The following RAPGEF5 variants were observed in gnomAD, a reference collection of about 807,000 sequenced individuals.
RAPGEF5 encodes Rap guanine nucleotide exchange factor 5, also known as M-Ras-regulated GEF.
In RAPGEF5, 65 loss-of-function variants were observed where a neutral mutation model predicts 125.2. That is an observed-to-expected ratio of 0.52 (90% CI 0.43 to 0.64). The LOEUF (loss-of-function observed/expected upper bound fraction) is 0.64, where lower values mean the gene tolerates loss of function less well. Ranked by LOEUF, RAPGEF5 falls within the 30% of genes least tolerant of loss-of-function variation. RAPGEF5 has a pLI of 0.00. For synonymous variants in RAPGEF5, 391 were observed against 385.9 expected, an observed-to-expected ratio of 1.01 and a Z score of -0.16; for missense variants, 958 against 1,048.1, an observed-to-expected ratio of 0.91 and a Z score of 1.19.
At chr7:22,323,041 G>A (rs1326593598) in intron 1 of RAPGEF5, among the ~76,000 whole-genome samples, 2 of 152,228 alleles carry the variant, frequency 1.3e-5, no homozygotes, top group African/African-American at 2.4e-5. Flanking sequence ...GAACCTCCAA[G>A]TGGCTTGTGT....
At chr7:22,178,089 T>C (rs906665907) in intron 11 of RAPGEF5, among the ~76,000 whole-genome samples, 8 of 152,104 alleles carry the variant, frequency 5.3e-5, no homozygotes, top group Admixed American at 3.3e-4. Context: ...GATCAGCCAA[T>C]TTGCTTTTCA....
At chr7:22,223,211 G>A (rs1330996701) in intron 8 of RAPGEF5, among the ~76,000 whole-genome samples, 1 of 152,118 alleles carries the variant, frequency 6.6e-6, no homozygotes, top group Non-Finnish European at 1.5e-5. Flanking sequence ...AAAGGAATCT[G>A]AGGAGGAGTG....
chr7:22,202,688 C>T (rs1254760037), intron 9 of RAPGEF5, among the ~76,000 whole-genome samples: 2 of 152,170 alleles, frequency 1.3e-5, no homozygotes, highest in African/African-American at 4.8e-5. Flanking sequence ...TTCTGAATAG[C>T]ATAAAACTTA....
At chr7:22,148,943 T>C (rs1011966019) in intron 18 of RAPGEF5, among the ~76,000 whole-genome samples, 1 of 152,082 alleles carries the variant, frequency 6.6e-6, no homozygotes, top group African/African-American at 2.4e-5. Context: ...CAGCACCCAG[T>C]TGGTTATGTT....
chr7:22,298,825 A>C (rs1783127972), intron 5 of RAPGEF5: 1 of 152,214 alleles, frequency 6.6e-6, no homozygotes, highest in Non-Finnish European at 1.5e-5. Context: ...TTGTTGAAGG[A>C]CCATAGGTAG....
chr7:22,248,750 T>A (rs985392728), intron 7 of RAPGEF5, among the ~76,000 whole-genome samples: 1 of 152,188 alleles, frequency 6.6e-6, no homozygotes, highest in Admixed American at 6.5e-5. Flanking sequence ...TAGTTCTACC[T>A]CCGGAACTAG....
chr7:22,347,905 C>G (rs979692562), intron 1 of RAPGEF5, among the ~76,000 whole-genome samples: 2 of 152,140 alleles, frequency 1.3e-5, no homozygotes, highest in African/African-American at 2.4e-5. Flanking sequence ...CCAGGGCTTA[C>G]CGAAGCATTT....
intron 1 of RAPGEF5, among the ~76,000 whole-genome samples, chr7:22,355,682 G>T (rs1784407803): frequency 6.6e-6 from 1 of 152,108 alleles, no homozygotes; most frequent in African/African-American, 2.4e-5. Flanking sequence ...TTCCACCTGA[G>T]ATGGAAAATG....
intron 7 of RAPGEF5, among the ~76,000 whole-genome samples, chr7:22,231,694 A>G (rs902234138): frequency 1.3e-5 from 2 of 152,194 alleles, no homozygotes; most frequent in African/African-American, 2.4e-5. Flanking sequence ...TGTATTTTAC[A>G]TAACTGGGAT....
At chr7:22,338,849 G>T (rs1279999964) in intron 1 of RAPGEF5, among the ~76,000 whole-genome samples, 4 of 152,200 alleles carry the variant, frequency 2.6e-5, no homozygotes, top group African/African-American at 9.7e-5. Context: ...GGCAGAAGAG[G>T]CGCCCCCACC....
At chr7:22,174,003 G>C (rs1784430639) in intron 11 of RAPGEF5, among the ~76,000 whole-genome samples, 1 of 152,126 alleles carries the variant, frequency 6.6e-6, no homozygotes, top group Non-Finnish European at 1.5e-5. Flanking sequence ...CTAATGCATA[G>C]TCCTTAATCT....
chr7:22,311,282 G>A (rs1414448391), intron 3 of RAPGEF5, among the ~76,000 whole-genome samples: 2 of 151,970 alleles, frequency 1.3e-5, no homozygotes, highest in African/African-American at 2.4e-5. Context: ...CCCAAACTGC[G>A]GAGATTACAG....
intron 12 of RAPGEF5, among the ~76,000 whole-genome samples, chr7:22,163,835 C>T (rs1784080220): frequency 6.6e-6 from 1 of 152,156 alleles, no homozygotes; most frequent in African/African-American, 2.4e-5. Context: ...TATTCTTTAA[C>T]ACTAATATAC....
At chr7:22,146,513 T>C (rs1211741893) in intron 19 of RAPGEF5, among the ~76,000 whole-genome samples, 1 of 152,212 alleles carries the variant, frequency 6.6e-6, no homozygotes, top group Non-Finnish European at 1.5e-5. Flanking sequence ...TGGATATGTG[T>C]GTACATACAT....
intron 1 of RAPGEF5, among the ~76,000 whole-genome samples, chr7:22,342,532 C>T (rs1784148539): frequency 1.3e-5 from 2 of 152,240 alleles, no homozygotes; most frequent in Admixed American, 6.5e-5. Flanking sequence ...TTTTCTATCA[C>T]ATTGTCAGGC....
At chr7:22,161,569 C>CACACAG (rs1784000276) in intron 13 of RAPGEF5, among the ~76,000 whole-genome samples, 1 of 146,058 alleles carries the variant, frequency 6.8e-6, no homozygotes, top group Non-Finnish European at 1.5e-5. Context: ...CACACACACA[C>CACACAG]ACACACACAC....
intron 11 of RAPGEF5, among the ~76,000 whole-genome samples, chr7:22,191,049 G>A (rs11767502): frequency 6.6e-6 from 1 of 151,940 alleles, no homozygotes; most frequent in Admixed American, 6.5e-5. Flanking sequence ...ACTCTCTTCA[G>A]CTCCTGCACA....
At chr7:22,174,471 T>C (rs1177618893) in intron 11 of RAPGEF5, among the ~76,000 whole-genome samples, 1 of 152,202 alleles carries the variant, frequency 6.6e-6, no homozygotes. Context: ...CCAACTTGCC[T>C]ACTTTATGCA....
chr7:22,181,161 G>A (rs1402915576), intron 11 of RAPGEF5, among the ~76,000 whole-genome samples: 1 of 151,970 alleles, frequency 6.6e-6, no homozygotes, highest in Non-Finnish European at 1.5e-5. Flanking sequence ...CAAAACATAC[G>A]ACATGACAGT....
Sources: allele counts gnomAD v4.1 joint callset (sites outside exome capture counted in the v4.1 genomes callset), GRCh38; gene constraint gnomAD v4.1.1; transcripts MANE v1.5; gene names NCBI Gene and HGNC (gene_info 2026-07-23, HGNC 2026-07-21).